Variants in RALGAPA2 observed in about 807,000 individuals in gnomAD.
The protein encoded by RALGAPA2 is ral GTPase-activating protein subunit alpha-2.
A neutral mutation model predicts 230.4 loss-of-function variants in RALGAPA2; 139 were observed. The observed-to-expected ratio is 0.60, with a 90% confidence interval of 0.53 to 0.69. RALGAPA2 has a LOEUF of 0.69. Among genes scored for constraint, RALGAPA2 ranks in the 30% least tolerant of loss-of-function variants. The probability of loss-of-function intolerance (pLI) is 0.00; values close to 1 mark genes in which losing one functional copy is unlikely to be tolerated. For synonymous variants in RALGAPA2, 847 were observed against 837.8 expected, an observed-to-expected ratio of 1.01 and a Z score of -0.19; for missense variants, 2,163 against 2,276.0, an observed-to-expected ratio of 0.95 and a Z score of 1.01.
chr20:20,700,374 G>A (rs971811766), intron 1 of RALGAPA2, among the ~76,000 whole-genome samples: 1 of 152,012 alleles, frequency 6.6e-6, no homozygotes, highest in African/African-American at 2.4e-5. Flanking sequence ...TGTGGATGAC[G>A]GGATCCATAC....
chr20:20,686,534 A>G (rs560311013), intron 1 of RALGAPA2, among the ~76,000 whole-genome samples: 107 of 136,020 alleles, frequency 7.9e-4, no homozygotes, highest in African/African-American at 2.7e-3. Context: ...TACACCTCAG[A>G]AAAAAAAAAA....
rs1466315225 is a variant in RALGAPA2 at position 20,448,876 on chromosome 20, A to G, written c.5495+23953T>C. On this transcript the variant is annotated intron_variant, in intron 37 of 39. Coordinates refer to ENST00000202677, the MANE Select transcript of RALGAPA2 (RefSeq NM_020343.4). The stretch of plus-strand genomic sequence containing the variant: ...TTTGGGTTTATGAATGTATATTGAA[A>G]AAAAAAAAAAAAGGTAAATCTGCCT... Among the ~76,000 whole-genome samples, 19 of 151,816 alleles carry G rather than the reference A, an allele frequency of 1.3e-4. No individual in the cohort carries two copies. The South Asian group carries it at 3.7e-3, about 30-fold the overall frequency.
intron 1 of RALGAPA2, among the ~76,000 whole-genome samples, chr20:20,701,549 C>G (rs1362073182): frequency 6.6e-6 from 1 of 151,886 alleles, no homozygotes; most frequent in Non-Finnish European, 1.5e-5. Flanking sequence ...AGAGCCTGGC[C>G]AACATGGTGA....
intron 37 of RALGAPA2, among the ~76,000 whole-genome samples, chr20:20,455,554 GGC>G (rs2061095423): frequency 6.6e-6 from 1 of 152,216 alleles, no homozygotes; most frequent in Non-Finnish European, 1.5e-5. Context: ...GGTCTTCCAA[GGC>G]AGAACGGACA....
At chr20:20,563,310 T>C (rs990647934) in intron 23 of RALGAPA2, among the ~76,000 whole-genome samples, 1 of 152,228 alleles carries the variant, frequency 6.6e-6, no homozygotes, top group Non-Finnish European at 1.5e-5. Flanking sequence ...GACTTGTTTT[T>C]AAGTGCTACA....
At chr20:20,448,599 T>C (rs1189216524) in intron 37 of RALGAPA2, among the ~76,000 whole-genome samples, 1 of 152,230 alleles carries the variant, frequency 6.6e-6, no homozygotes, top group African/African-American at 2.4e-5. Context: ...ACTCCATTAT[T>C]TTTAATAGAA....
At chr20:20,445,144 A>G (rs2060832146) in intron 37 of RALGAPA2, among the ~76,000 whole-genome samples, 1 of 152,220 alleles carries the variant, frequency 6.6e-6, no homozygotes, top group African/African-American at 2.4e-5. Context: ...TATGTGTAGG[A>G]AAAACGTAGA....
intron 3 of RALGAPA2, among the ~76,000 whole-genome samples, chr20:20,654,228 G>A (rs970688742): frequency 4.6e-5 from 7 of 151,960 alleles, no homozygotes; most frequent in South Asian, 2.1e-4. Context: ...TCACTCTGTC[G>A]CCCAGGCTGG....
intron 23 of RALGAPA2, among the ~76,000 whole-genome samples, chr20:20,547,593 T>G (rs901245713): frequency 1.3e-5 from 2 of 152,216 alleles, no homozygotes; most frequent in African/African-American, 4.8e-5. Flanking sequence ...TGGACAGCAT[T>G]CATGCCATCC....
At chr20:20,462,764 C>G (rs2061332992) in intron 37 of RALGAPA2, among the ~76,000 whole-genome samples, 1 of 152,218 alleles carries the variant, frequency 6.6e-6, no homozygotes, top group Non-Finnish European at 1.5e-5. Flanking sequence ...AGGGCAGACT[C>G]TGCACAGAAG....
intron 13 of RALGAPA2, among the ~76,000 whole-genome samples, chr20:20,614,951 G>A (rs1341816134): frequency 1.3e-5 from 2 of 152,182 alleles, no homozygotes; most frequent in Non-Finnish European, 2.9e-5. Flanking sequence ...GGGGGATGCT[G>A]ACCACAGCTG....
intron 37 of RALGAPA2, among the ~76,000 whole-genome samples, chr20:20,463,338 A>G (rs796686480): frequency 1.3e-5 from 2 of 152,282 alleles, no homozygotes; most frequent in African/African-American, 4.8e-5. Context: ...TGGTTGAGTA[A>G]GTGATTTGGC....
intron 37 of RALGAPA2, among the ~76,000 whole-genome samples, chr20:20,449,587 A>G (rs2060942399): frequency 6.6e-6 from 1 of 152,218 alleles, no homozygotes; most frequent in African/African-American, 2.4e-5. Context: ...TTTTTCAATC[A>G]TACTTTCCCC....
chr20:20,503,194 C>A (rs1308393861), intron 35 of RALGAPA2, among the ~76,000 whole-genome samples, 157 bp downstream of exon 35: 1 of 152,172 alleles, frequency 6.6e-6, no homozygotes, highest in Non-Finnish European at 1.5e-5. Context: ...AAAGTAATAA[C>A]ATTTAAGACG....
chr20:20,509,088 A>T (rs1414539732), intron 33 of RALGAPA2, among the ~76,000 whole-genome samples: 1 of 152,262 alleles, frequency 6.6e-6, no homozygotes, highest in African/African-American at 2.4e-5. Flanking sequence ...CTGAGTGTGG[A>T]ACCCAAATGA....
chr20:20,456,936 C>G (rs2061136031), intron 37 of RALGAPA2, among the ~76,000 whole-genome samples: 1 of 152,152 alleles, frequency 6.6e-6, no homozygotes, highest in African/African-American at 2.4e-5. Context: ...CTCCCACCTC[C>G]TGAGGAGCTG....
intron 36 of RALGAPA2, among the ~76,000 whole-genome samples, chr20:20,474,193 G>A (rs1270386851): frequency 6.6e-6 from 1 of 152,184 alleles, no homozygotes; most frequent in Non-Finnish European, 1.5e-5. Context: ...TGAACCACAA[G>A]CTATGAGAAC....
Position 20,549,045 on chromosome 20 carries a change from C to T in RALGAPA2, c.3157-2213G>A, listed in dbSNP as rs147068752. ...CCATCTGTTGAGATGTGGAACTAAA[C>T]CTTGAAGCTTGTGGGCTTTAAAAAT... On this transcript the variant is annotated intron_variant, in intron 23 of 39. Coordinates refer to ENST00000202677, the MANE Select transcript of RALGAPA2 (RefSeq NM_020343.4). Among the ~76,000 whole-genome samples, 229 of 152,214 alleles carry T rather than the reference C, an allele frequency of 1.5e-3. 1 individual carries two copies. The highest frequency in any genetic ancestry group is 8.0e-3 in the Admixed American group (123 of 15,286).
chr20:20,601,613 C>T (rs2065655440), intron 16 of RALGAPA2, 69 bp downstream of exon 16: 3 of 1,472,976 alleles, frequency 2.0e-6, no homozygotes, highest in East Asian at 4.7e-5. Context: ...ATTTTTAACA[C>T]ACTTTATGCC....
Sources: allele counts gnomAD v4.1 joint callset (sites outside exome capture counted in the v4.1 genomes callset), GRCh38; gene constraint gnomAD v4.1.1; transcripts MANE v1.5; gene names NCBI Gene and HGNC (gene_info 2026-07-23, HGNC 2026-07-21).